The following PAPSS1 variants were observed in gnomAD, a reference collection of about 807,000 sequenced individuals.
PAPSS1 encodes the protein bifunctional 3'-phosphoadenosine 5'-phosphosulfate synthase 1.
Under a neutral mutation model 72.0 loss-of-function variants are expected in PAPSS1, and 50 were observed. The observed-to-expected ratio is 0.69, with a 90% CI of 0.55 to 0.88. PAPSS1 has a LOEUF of 0.88. Ranked by LOEUF, PAPSS1 falls within the 40% of genes least tolerant of loss-of-function variation. The pLI, the probability that PAPSS1 is intolerant of heterozygous loss-of-function variation, is 0.00. For missense variants in PAPSS1, 657 were observed against 782.2 expected (o/e 0.84, Z 1.91); for synonymous variants, 261 against 263.6 (o/e 0.99, Z 0.09).
chr4:107,631,573 T>C (rs1005049669), intron 11 of PAPSS1, 58 bp downstream of exon 11: 5 of 1,216,324 alleles, frequency 4.1e-6, no homozygotes, highest in Middle Eastern at 2.0e-4. Context: ...GCTAAATCCC[T>C]GGGAGCAGCT....
intron 9 of PAPSS1, among the ~76,000 whole-genome samples, chr4:107,648,649 G>GT (rs1179408178): frequency 3.9e-5 from 6 of 152,186 alleles, no homozygotes; most frequent in Admixed American, 3.3e-4. Context: ...CCCACCCAAG[G>GT]TTTCTATCTG....
chr4:107,707,634 T>C (rs957902310), intron 1 of PAPSS1, among the ~76,000 whole-genome samples: 2 of 152,192 alleles, frequency 1.3e-5, no homozygotes, highest in African/African-American at 2.4e-5. Flanking sequence ...GGTTGCAGGC[T>C]GGGGGCAGTA....
At chr4:107,713,145 T>G (rs1442559463) in intron 1 of PAPSS1, among the ~76,000 whole-genome samples, 1 of 151,996 alleles carries the variant, frequency 6.6e-6, no homozygotes, top group Non-Finnish European at 1.5e-5. Flanking sequence ...AGACGAGGTT[T>G]CACCATGTTG....
intron 4 of PAPSS1, among the ~76,000 whole-genome samples, chr4:107,686,383 A>G (rs1425859139): frequency 6.6e-6 from 1 of 152,218 alleles, no homozygotes; most frequent in Non-Finnish European, 1.5e-5. Flanking sequence ...TACAATGTAA[A>G]TGTTATATAA....
chr4:107,673,791 C>T (rs894435528), intron 5 of PAPSS1, among the ~76,000 whole-genome samples: 7 of 151,954 alleles, frequency 4.6e-5, no homozygotes, highest in African/African-American at 1.5e-4. Flanking sequence ...TAAGGGCAGC[C>T]AGAGAGAAAG....
At chr4:107,719,964 C>G in intron 1 of PAPSS1, 156 bp downstream of exon 1, 1 of 1,414,950 alleles carries the variant, frequency 7.1e-7, no homozygotes. Flanking sequence ...CGCAACCACC[C>G]ACGGCCCCAG....
chr4:107,632,843 T>G (rs566287084), intron 10 of PAPSS1, among the ~76,000 whole-genome samples: 3 of 152,202 alleles, frequency 2.0e-5, no homozygotes, highest in Non-Finnish European at 4.4e-5. Flanking sequence ...CTGTTCCATA[T>G]TAAAATAAGG....
chr4:107,670,066 A>G (rs1443022860), intron 5 of PAPSS1, among the ~76,000 whole-genome samples: 1 of 152,260 alleles, frequency 6.6e-6, no homozygotes, highest in Non-Finnish European at 1.5e-5. Flanking sequence ...AAACTACCAC[A>G]GTAATTCAGG....
chr4:107,686,934 C>T (rs1056082605), intron 4 of PAPSS1, 105 bp downstream of exon 4: 3 of 906,282 alleles, frequency 3.3e-6, no homozygotes, highest in Admixed American at 6.4e-5. Context: ...CCTCAAGGAG[C>T]TCCAAGTCAC....
chr4:107,643,689 G>A (rs1726617888), intron 10 of PAPSS1, among the ~76,000 whole-genome samples: 1 of 152,120 alleles, frequency 6.6e-6, no homozygotes. Flanking sequence ...TGAATAGAAA[G>A]GGGCAAGAAG....
At chr4:107,678,594 A>G (rs1290293381) in intron 5 of PAPSS1, among the ~76,000 whole-genome samples, 1 of 152,134 alleles carries the variant, frequency 6.6e-6, no homozygotes, top group Non-Finnish European at 1.5e-5. Flanking sequence ...AGGTAAGAGG[A>G]AAACAGCTAA....
At chr4:107,716,613 G>A (rs2125944618) in intron 1 of PAPSS1, among the ~76,000 whole-genome samples, 1 of 152,270 alleles carries the variant, frequency 6.6e-6, no homozygotes, top group South Asian at 2.1e-4. Flanking sequence ...ATTTCCCTCA[G>A]CCCAACTAAC....
chr4:107,643,063 G>A (rs945829595), intron 10 of PAPSS1, among the ~76,000 whole-genome samples: 1 of 152,096 alleles, frequency 6.6e-6, no homozygotes, highest in African/African-American at 2.4e-5. Flanking sequence ...ATCACACAGC[G>A]AAACACCACA....
At chr4:107,709,625 T>C (rs1385252563) in intron 1 of PAPSS1, among the ~76,000 whole-genome samples, 1 of 152,176 alleles carries the variant, frequency 6.6e-6, no homozygotes, top group African/African-American at 2.4e-5. Flanking sequence ...GAACCTAAGA[T>C]TGGCCTTTTG....
intron 5 of PAPSS1, among the ~76,000 whole-genome samples, chr4:107,670,790 A>C (rs577208439): frequency 6.6e-6 from 1 of 152,330 alleles, no homozygotes; most frequent in East Asian, 1.9e-4. Flanking sequence ...TTCCTGCTTC[A>C]GTTTCCCAAA....
chr4:107,653,161 ACT>A (rs1304359243), intron 9 of PAPSS1, among the ~76,000 whole-genome samples: 7 of 151,710 alleles, frequency 4.6e-5, no homozygotes, highest in East Asian at 1.9e-4. Context: ...CATGTAAAAC[ACT>A]CTGACATATA....
intron 10 of PAPSS1, among the ~76,000 whole-genome samples, chr4:107,633,858 G>A (rs1345280320): frequency 1.4e-5 from 2 of 147,828 alleles, no homozygotes; most frequent in Non-Finnish European, 3.0e-5. Flanking sequence ...GGCGGAGCTT[G>A]CAGTGAGCTG....
intron 11 of PAPSS1, among the ~76,000 whole-genome samples, chr4:107,621,610 T>TC (rs1725958970): frequency 1.2e-5 from 1 of 84,800 alleles, no homozygotes; most frequent in Admixed American, 1.1e-4. Context: ...TTTTTTATCT[T>TC]TTTTTTTTTT....
intron 11 of PAPSS1, among the ~76,000 whole-genome samples, chr4:107,627,472 A>G (rs867984012): frequency 6.6e-6 from 1 of 152,116 alleles, no homozygotes; most frequent in Non-Finnish European, 1.5e-5. Flanking sequence ...CTGACATTGT[A>G]TGTTTTATAG....
Sources: allele counts gnomAD v4.1 joint callset (sites outside exome capture counted in the v4.1 genomes callset), GRCh38; gene constraint gnomAD v4.1.1; transcripts MANE v1.5; gene names NCBI Gene and HGNC (gene_info 2026-07-23, HGNC 2026-07-21).